ZDHHC14: variants seen among roughly 807,000 people sequenced by gnomAD.
ZDHHC14 encodes the protein palmitoyltransferase ZDHHC14.
A neutral mutation model predicts 47.7 loss-of-function variants in ZDHHC14; 16 were observed. The ratio of observed to expected loss-of-function variants is 0.34; its 90% confidence interval spans 0.23 to 0.51. The LOEUF (loss-of-function observed/expected upper bound fraction) is 0.51, where lower values mean the gene tolerates loss of function less well. ZDHHC14 is among the 20% of genes least tolerant of loss of function. The probability of loss-of-function intolerance (pLI) is 0.97; values close to 1 mark genes in which losing one functional copy is unlikely to be tolerated. For missense variants in ZDHHC14, 515 were observed against 662.5 expected, an observed-to-expected ratio of 0.78 and a Z score of 2.44; for synonymous variants, 293 against 278.9, an observed-to-expected ratio of 1.05 and a Z score of -0.50.
intron 3 of ZDHHC14, among the ~76,000 whole-genome samples, chr6:157,604,647 A>G (rs2114912755): frequency 6.6e-6 from 1 of 152,002 alleles, no homozygotes; most frequent in African/African-American, 2.4e-5. Flanking sequence ...GGGTTCAAGC[A>G]ATTCTCCTGC....
intron 3 of ZDHHC14, among the ~76,000 whole-genome samples, chr6:157,623,795 G>A (rs914812785): frequency 1.3e-5 from 2 of 152,090 alleles, no homozygotes; most frequent in African/African-American, 2.4e-5. Flanking sequence ...TGATCTGCCC[G>A]CCTCGGCCTC....
intron 8 of ZDHHC14, among the ~76,000 whole-genome samples, chr6:157,655,838 A>AC (rs1215548660): frequency 6.6e-6 from 1 of 152,042 alleles, no homozygotes; most frequent in African/African-American, 2.4e-5. Context: ...TTACCCTGTG[A>AC]CCCCCATAAT....
intron 2 of ZDHHC14, among the ~76,000 whole-genome samples, chr6:157,574,443 G>C (rs756755929): frequency 2.0e-5 from 3 of 152,052 alleles, no homozygotes; most frequent in African/African-American, 7.2e-5. Context: ...TGGAGCACCC[G>C]TGTCATTGCT....
In ZDHHC14 at chr6:157,555,743, C is replaced by T. The variant is rs575682026; in HGVS notation, c.406+12998C>T. 2.0e-5 allele frequency among the ~76,000 whole-genome samples: 3 copies of T among 152,234 alleles called. No individual in the cohort carries two copies. In the South Asian group the frequency reaches 6.2e-4, roughly 32 times the overall value. ...TTGCCAGATAATTCCTTGTTGTGGG[C>T]CCCGCACCCCCACCCCTGTGTATTG... On this transcript the variant is annotated intron_variant, in intron 2 of 8. Coordinates refer to ENST00000359775, the MANE Select transcript of ZDHHC14 (RefSeq NM_024630.3).
At chr6:157,472,471 C>A (rs1028936175) in intron 1 of ZDHHC14, among the ~76,000 whole-genome samples, 3 of 152,036 alleles carry the variant, frequency 2.0e-5, no homozygotes, top group African/African-American at 4.8e-5. Context: ...GCTGCTTGAC[C>A]TAGTAAATAA....
chr6:157,459,119 C>T (rs945994558), intron 1 of ZDHHC14, among the ~76,000 whole-genome samples: 1 of 152,010 alleles, frequency 6.6e-6, no homozygotes, highest in South Asian at 2.1e-4. Context: ...CAGGAACCAC[C>T]GTTCTTAACT....
chr6:157,421,703 G>A (rs914472100), intron 1 of ZDHHC14, among the ~76,000 whole-genome samples: 3 of 151,874 alleles, frequency 2.0e-5, no homozygotes, highest in Admixed American at 6.6e-5. Flanking sequence ...CGCCTCCTGC[G>A]TTCAAGCAAT....
chr6:157,511,473 C>T (rs946969174), intron 1 of ZDHHC14, among the ~76,000 whole-genome samples: 2 of 151,238 alleles, frequency 1.3e-5, no homozygotes, highest in Admixed American at 6.6e-5. Context: ...CTCCGCCTCC[C>T]GGGTTCAAGC....
intron 5 of ZDHHC14, 80 bp downstream of exon 5, chr6:157,632,962 T>C: frequency 6.9e-7 from 1 of 1,447,062 alleles, no homozygotes; most frequent in Non-Finnish European, 9.7e-7. Context: ...CACCTCCTCA[T>C]CTTCTGCCCC....
At chr6:157,522,916 C>T (rs866008834) in intron 1 of ZDHHC14, among the ~76,000 whole-genome samples, 17 of 32,782 alleles carry the variant, frequency 5.2e-4, no homozygotes, top group Admixed American at 1.4e-3. Context: ...TTCCTTCCTT[C>T]CTTCCTTTCT....
At chr6:157,445,773 CAG>C (rs1023825826) in intron 1 of ZDHHC14, among the ~76,000 whole-genome samples, 20 of 149,382 alleles carry the variant, frequency 1.3e-4, no homozygotes, top group Non-Finnish European at 1.0e-4. Context: ...TGGAAAAAGC[CAG>C]AGAGAGAGAG....
At chr6:157,609,021 A>C (rs970332383) in intron 3 of ZDHHC14, among the ~76,000 whole-genome samples, 1 of 152,182 alleles carries the variant, frequency 6.6e-6, no homozygotes, top group Non-Finnish European at 1.5e-5. Context: ...TCCTGAGAGC[A>C]TGGTTTTTTC....
At chr6:157,402,245 G>A (rs1777658155) in intron 1 of ZDHHC14, among the ~76,000 whole-genome samples, 1 of 151,394 alleles carries the variant, frequency 6.6e-6, no homozygotes, top group South Asian at 2.1e-4. Context: ...AGCACCTGCT[G>A]AGGTCATAAC....
rs767401743 is a variant in ZDHHC14, at chr6:157,673,025, T to G, written c.1370T>G (p.Leu457Arg). 1 of 1,566,542 alleles carries G rather than the reference T, an allele frequency of 6.4e-7. No homozygotes were observed. Among genetic ancestry groups the G allele is most frequent in the Non-Finnish European group, 8.6e-7 (1 of 1,162,324 alleles). Residue 457 changes from leucine (L) to arginine (R), a missense_variant, in exon 9 of 9, where the codon CTG (leucine) becomes CGG (arginine). Leu to Arg is a moderately radical substitution (Grantham distance 102, BLOSUM62 -2). Coordinates refer to ENST00000359775, the MANE Select transcript of ZDHHC14 (RefSeq NM_024630.3). This position sits in a 1 kb window ranked among gnomAD's most constrained non-coding sequence, Gnocchi z 5.4. ...AGGCTACTGGCGGCGGGCAGCCCCC[T>G]GGCGCACAGCCGCACCATGCACGTG... ...PPRLLAAGSPLAHSRTMHVLG... is the reference protein window; with the variant it reads ...PPRLLAAGSPRAHSRTMHVLG...
intron 1 of ZDHHC14, among the ~76,000 whole-genome samples, chr6:157,460,203 A>G (rs149911077): frequency 3.6e-4 from 47 of 131,930 alleles, no homozygotes; most frequent in Middle Eastern, 4.1e-3. Context: ...ACTCCATCTT[A>G]AAACAAAAAC....
chr6:157,472,850 G>GT (rs1166181521), intron 1 of ZDHHC14, among the ~76,000 whole-genome samples: 1 of 152,196 alleles, frequency 6.6e-6, no homozygotes, highest in East Asian at 1.9e-4. Context: ...GACAAAACCA[G>GT]TGCCAACTGT....
intron 1 of ZDHHC14, among the ~76,000 whole-genome samples, chr6:157,481,816 TTCTA>T (rs201184690): frequency 0.016 from 2,380 of 152,224 alleles, 32 homozygotes; most frequent in Non-Finnish European, 0.023. Context: ...AATTGTTTCT[TTCTA>T]TCTATCTATC....
At chr6:157,668,306 G>A (rs1042821079) in intron 8 of ZDHHC14, among the ~76,000 whole-genome samples, 9 of 151,710 alleles carry the variant, frequency 5.9e-5, no homozygotes, top group African/African-American at 2.2e-4. Flanking sequence ...GTGTAGAAGA[G>A]GTGCTTATCA....
chr6:157,428,652 G>A (rs1466524550), intron 1 of ZDHHC14, among the ~76,000 whole-genome samples: 4 of 124,084 alleles, frequency 3.2e-5, no homozygotes, highest in Non-Finnish European at 6.5e-5. Flanking sequence ...TAGCCCCCGA[G>A]CACAGGTGGC....
Sources: allele counts gnomAD v4.1 joint callset (sites outside exome capture counted in the v4.1 genomes callset), GRCh38; gene constraint gnomAD v4.1.1; non-coding constraint Gnocchi (gnomAD v3.1); transcripts MANE v1.5; gene names NCBI Gene and HGNC (gene_info 2026-07-23, HGNC 2026-07-21).